Variants in CPED1 observed in about 807,000 individuals in gnomAD.
The protein encoded by CPED1 is cadherin like and PC-esterase domain containing 1.
A neutral mutation model predicts 128.2 loss-of-function variants in CPED1; 114 were observed. That is an observed-to-expected ratio of 0.89 (90% CI 0.76 to 1.04). The LOEUF (loss-of-function observed/expected upper bound fraction) is 1.04. CPED1 is among the 50% of genes least tolerant of loss of function. The probability of loss-of-function intolerance (pLI) is 0.00; values close to 1 mark genes in which losing one functional copy is unlikely to be tolerated. For synonymous variants in CPED1, 462 were observed against 426.7 expected, an observed-to-expected ratio of 1.08 and a Z score of -1.02; for missense variants, 1,211 against 1,207.1, an observed-to-expected ratio of 1.00 and a Z score of -0.05.
At position 121,266,754 on chromosome 7, in the gene CPED1, G is replaced by C. The variant is rs1389616144; in HGVS notation, c.2579G>C (p.Gly860Ala). Reference sequence around the variant, plus strand: ...GGCCAGACTGTATTGGTTGTTGGTGGTGTTCAGTGGCTTAATTCCAATCAC... The same window carrying C: ...GGCCAGACTGTATTGGTTGTTGGTGCTGTTCAGTGGCTTAATTCCAATCAC... ...NTGQTVLVVG[G>A]VQWLNSNHLQ... is the part of the protein sequence containing the mutation. The change falls in exon 20 of 23, where the codon GGT (glycine) becomes GCT (alanine). Residue 860 changes from glycine (G) to alanine (A), a missense_variant. Physicochemically the swap from Gly to Ala is moderately conservative, Grantham distance 60. Coordinates refer to ENST00000310396, the MANE Select transcript of CPED1 (RefSeq NM_024913.5). 1 of 1,613,050 alleles carries C rather than the reference G, an allele frequency of 6.2e-7. No homozygotes were observed. Among genetic ancestry groups the C allele is most frequent in the Non-Finnish European group, 8.5e-7 (1 of 1,179,346 alleles).
intron 22 of CPED1, among the ~76,000 whole-genome samples, chr7:121,281,807 A>G (rs535832776): frequency 1.3e-5 from 2 of 152,292 alleles, no homozygotes; most frequent in Admixed American, 6.5e-5. Flanking sequence ...TCAAATGTGA[A>G]CATTGCTGTG....
At chr7:121,108,371 A>G (rs1208025003) in intron 7 of CPED1, among the ~76,000 whole-genome samples, 1 of 152,126 alleles carries the variant, frequency 6.6e-6, no homozygotes, top group Middle Eastern at 3.2e-3. Context: ...TTTGCCAGCC[A>G]CTGGACATTG....
chr7:121,119,449 G>A (rs1584525429), intron 7 of CPED1, among the ~76,000 whole-genome samples: 1 of 150,824 alleles, frequency 6.6e-6, no homozygotes, highest in African/African-American at 2.4e-5. Context: ...ACAGAAGTGA[G>A]CCACTGCGCC....
At position 121,064,245 on chromosome 7, in the gene CPED1, G is replaced by C. The variant is rs570205413; in HGVS notation, c.548G>C (p.Arg183Thr). The C allele has an allele frequency of 6.2e-7, 1 of 1,606,482 alleles. No homozygotes were observed. The highest frequency in any genetic ancestry group is 1.3e-5 in the African/African-American group (1 of 74,890). ...CTTTTTCATTCCTTTCAGGCAAACA[G>C]ATTACCAGAAATACAGCAGCCACTT... ...CQLGLHQKANRLPEIQQPLCR... is the reference protein window; with the variant it reads ...CQLGLHQKANTLPEIQQPLCR... Residue 183 changes from arginine to threonine, a missense_variant, in exon 5 of 23, where the codon AGA (arginine) becomes ACA (threonine). By Grantham distance (71) the Arg-to-Thr change is moderately conservative (BLOSUM62 -1). Coordinates refer to ENST00000310396, the MANE Select transcript of CPED1 (RefSeq NM_024913.5).
chr7:121,006,212 G>C (rs538869656), intron 2 of CPED1, among the ~76,000 whole-genome samples: 1 of 152,184 alleles, frequency 6.6e-6, no homozygotes, highest in African/African-American at 2.4e-5. Flanking sequence ...ACAGAGACTT[G>C]CTATTATATT....
intron 16 of CPED1, among the ~76,000 whole-genome samples, chr7:121,208,882 T>C (rs1797580412): frequency 6.6e-6 from 1 of 152,062 alleles, no homozygotes; most frequent in African/African-American, 2.4e-5. Context: ...ACTAACATAG[T>C]TCACAGTCTG....
chr7:121,005,013 T>C (rs1585012530), intron 2 of CPED1, among the ~76,000 whole-genome samples: 1 of 152,212 alleles, frequency 6.6e-6, no homozygotes, highest in East Asian at 1.9e-4. Context: ...ATCATAGAGA[T>C]AATGGCTTAT....
At position 121,187,486 on chromosome 7, in the gene CPED1, G is replaced by A. The variant is rs556560528; in HGVS notation, c.2055+45345G>A. 2.0e-5 allele frequency among the ~76,000 whole-genome samples: 3 copies of A among 152,262 alleles called. No individual in the cohort carries two copies. In the South Asian group the frequency reaches 6.2e-4, roughly 32 times the overall value. Reference sequence around the variant, plus strand: ...ATATGAAGAGGATGGACAGGTAGATGGGGATAGATCACATGTGCTTTGTAG... The same window carrying A: ...ATATGAAGAGGATGGACAGGTAGATAGGGATAGATCACATGTGCTTTGTAG... On this transcript the variant is annotated intron_variant, in intron 16 of 22. Coordinates refer to ENST00000310396, the MANE Select transcript of CPED1 (RefSeq NM_024913.5).
At chr7:121,026,356 T>C (rs139741750) in intron 3 of CPED1, among the ~76,000 whole-genome samples, 51 of 152,296 alleles carry the variant, frequency 3.3e-4, no homozygotes, top group South Asian at 2.9e-3. Context: ...AAAATGTGCA[T>C]CTGCTCTGCC....
At chr7:120,995,074 A>C (rs1461815170) in intron 2 of CPED1, among the ~76,000 whole-genome samples, 1 of 152,118 alleles carries the variant, frequency 6.6e-6, no homozygotes, top group East Asian at 1.9e-4. Context: ...AGAACTAATA[A>C]AACAATAAGC....
chr7:121,142,150 A>G lies in CPED1; in HGVS notation c.2055+9A>G, dbSNP rs758550431. 1.0e-4 allele frequency: 165 copies of G among 1,583,928 alleles called. No individual in the cohort carries two copies. The highest frequency in any genetic ancestry group is 1.4e-4 in the Non-Finnish European group (157 of 1,158,844). On this transcript the variant is annotated intron_variant, in intron 16 of 22. Transcript: ENST00000310396. ...CATGTGGTTTTGTGCAGGTAAGTGA[A>G]GTTTACATTTGCACTTGGGTTGAAT...
chr7:121,249,624 C>T (rs1252454532), intron 18 of CPED1, among the ~76,000 whole-genome samples: 1 of 152,068 alleles, frequency 6.6e-6, no homozygotes, highest in Non-Finnish European at 1.5e-5. Flanking sequence ...GATAAGCAAA[C>T]ACTGAGGGAA....
At position 121,221,487 on chromosome 7, in the gene CPED1, G is replaced by A. The variant is rs531716061; in HGVS notation, c.2056-15227G>A. ...CCTTTGGGTATATACCCAGTAATGG[G>A]ATTGCTAGGTCAAATGGTATTTCTA... On this transcript the variant is annotated intron_variant, in intron 16 of 22. Transcript: ENST00000310396. Among the ~76,000 whole-genome samples, 4 of 152,302 alleles carry A rather than the reference G, an allele frequency of 2.6e-5. No individual in the cohort carries two copies. In the East Asian group the frequency reaches 5.8e-4, roughly 22 times the overall value.
In CPED1 at chr7:121,266,383, C is replaced by T. The variant is rs1195663185; in HGVS notation, c.2467C>T (p.Gln823Ter). Reference sequence around the variant, plus strand: ...TTTGATCAGTTATTCCTACTATCCCCAGTTCTGGATAAGCCCTTCATTGAG... The same window carrying T: ...TTTGATCAGTTATTCCTACTATCCCTAGTTCTGGATAAGCCCTTCATTGAG... ...KTLISYSYYP[Q>*]FWISPSLRPT... is the part of the protein sequence containing the mutation. The change falls in exon 19 of 23, where the codon CAG becomes TAG. Residue 823 changes from glutamine (Q) to a stop codon, truncating the protein, a stop_gained. Coordinates refer to ENST00000310396, the MANE Select transcript of CPED1 (RefSeq NM_024913.5). LOFTEE classifies it high-confidence loss of function. The T allele has an allele frequency of 1.2e-6, 2 of 1,613,110 alleles. No individual in the cohort carries two copies. Among genetic ancestry groups the T allele is most frequent in the Admixed American group, 1.7e-5 (1 of 59,890 alleles).
rs1434721990 is a variant in CPED1, at chr7:120,997,928, AAAATAAAATAAAATAAAAT to A, written c.249+8062_249+8080del. Among the ~76,000 whole-genome samples, 3 of 3,558 alleles carry A rather than the reference AAAATAAAATAAAATAAAAT, an allele frequency of 8.4e-4. 1 individual carries two copies. The highest frequency in any genetic ancestry group is 1.8e-3 in the African/African-American group (3 of 1,658). 2.3% of individuals were successfully genotyped at this position (3,558 alleles called of 152,430 possible). ...CAAGAGCAAAACTCGGTCTCGAAAA[AAAATAAAATAAAATAAAAT>A]AAAATAAAATAAAATAAAATAAAAT... On this transcript the variant is annotated intron_variant, in intron 2 of 22. Transcript: ENST00000310396.
At chr7:121,100,175 T>C (rs1182670459) in intron 7 of CPED1, 81 bp downstream of exon 7, 2 of 1,188,010 alleles carry the variant, frequency 1.7e-6, no homozygotes, top group Non-Finnish European at 2.4e-6. Context: ...TTTTCCCACC[T>C]TTATGGTTAT....
intron 18 of CPED1, among the ~76,000 whole-genome samples, chr7:121,251,847 A>G (rs1268795077): frequency 3.4e-5 from 5 of 149,160 alleles, no homozygotes; most frequent in African/African-American, 9.9e-5. Flanking sequence ...TTCCATGCTC[A>G]TGGGTAGGAA....
intron 5 of CPED1, among the ~76,000 whole-genome samples, chr7:121,075,358 G>A (rs1394396924): frequency 2.6e-5 from 4 of 152,218 alleles, no homozygotes; most frequent in African/African-American, 9.6e-5. Flanking sequence ...GTAGTATGGT[G>A]TATACTACCG....
intron 5 of CPED1, among the ~76,000 whole-genome samples, chr7:121,087,077 A>C (rs1228790754): frequency 6.6e-6 from 1 of 152,150 alleles, no homozygotes; most frequent in African/African-American, 2.4e-5. Context: ...TAAATAAACA[A>C]ATTAAAACAC....
Sources: allele counts gnomAD v4.1 joint callset (sites outside exome capture counted in the v4.1 genomes callset), GRCh38; gene constraint gnomAD v4.1.1; transcripts MANE v1.5; gene names NCBI Gene and HGNC (gene_info 2026-07-23, HGNC 2026-07-21).